SYCP1: variants seen among roughly 807,000 people sequenced by gnomAD.
SYCP1 encodes cancer/testis antigen 8.
Under a neutral mutation model 153.1 loss-of-function variants are expected in SYCP1, and 64 were observed. That is an observed-to-expected ratio of 0.42 (90% confidence interval 0.34 to 0.51). The LOEUF (loss-of-function observed/expected upper bound fraction) is 0.51. SYCP1 is among the 20% of genes least tolerant of loss of function. The probability of loss-of-function intolerance (pLI) is 0.06; values close to 1 mark genes in which losing one functional copy is unlikely to be tolerated. For missense variants in SYCP1, 997 were observed against 1,049.0 expected, an observed-to-expected ratio of 0.95 and a Z score of 0.68; for synonymous variants, 384 against 341.8, an observed-to-expected ratio of 1.12 and a Z score of -1.36.
At chr1:114,875,943 T>C in intron 9 of SYCP1, 126 bp from the exon 10 acceptor site, 1 of 573,826 alleles carries the variant, frequency 1.7e-6, no homozygotes, top group Non-Finnish European at 3.0e-6. Flanking sequence ...TACAGTGTTT[T>C]AGTTATTCCA....
chr1:114,985,340 T>G (rs74113426), intron 30 of SYCP1, among the ~76,000 whole-genome samples: 22 of 152,066 alleles, frequency 1.4e-4, no homozygotes, highest in African/African-American at 5.3e-4. Context: ...TCTAAAGAAG[T>G]TAATGTATTA....
chr1:114,948,492 G>A (rs1335815132), intron 27 of SYCP1, among the ~76,000 whole-genome samples: 1 of 152,174 alleles, frequency 6.6e-6, no homozygotes, highest in Non-Finnish European at 1.5e-5. Flanking sequence ...TCAAGCCTCT[G>A]AGAATTTGTT....
chr1:114,974,999 C>T (rs1672722508), intron 27 of SYCP1, among the ~76,000 whole-genome samples: 1 of 151,734 alleles, frequency 6.6e-6, no homozygotes, highest in South Asian at 2.1e-4. Flanking sequence ...TTTGTTATTT[C>T]CTATTCATTT....
At chr1:114,959,028 G>C (rs570916050) in intron 27 of SYCP1, among the ~76,000 whole-genome samples, 3 of 150,964 alleles carry the variant, frequency 2.0e-5, no homozygotes, top group Admixed American at 2.0e-4. Context: ...TGTTTTTTCA[G>C]TTTCTTGTTG....
intron 8 of SYCP1, among the ~76,000 whole-genome samples, chr1:114,867,722 C>A (rs1318052695): frequency 1.3e-5 from 2 of 151,570 alleles, no homozygotes; most frequent in Non-Finnish European, 2.9e-5. Flanking sequence ...GTTTTTATTT[C>A]TTTTTTCTCA....
At chr1:114,873,158 G>A (rs1557760163) in intron 8 of SYCP1, among the ~76,000 whole-genome samples, 2 of 152,074 alleles carry the variant, frequency 1.3e-5, no homozygotes, top group South Asian at 4.1e-4. Context: ...ATCAGAGTCT[G>A]GTTCTTATGC....
At chr1:114,890,424 A>T (rs1666625771) in intron 15 of SYCP1, among the ~76,000 whole-genome samples, 1 of 151,844 alleles carries the variant, frequency 6.6e-6, no homozygotes, top group African/African-American at 2.4e-5. Flanking sequence ...TGTAAATATA[A>T]ATATGCATTT....
intron 27 of SYCP1, among the ~76,000 whole-genome samples, chr1:114,950,822 CTT>C (rs1240404864): frequency 5.8e-5 from 8 of 138,896 alleles, no homozygotes; most frequent in Admixed American, 1.5e-4. Flanking sequence ...AAATTACACT[CTT>C]TTTTTTTTTT....
chr1:114,987,135 A>C (rs2101970563), intron 30 of SYCP1, among the ~76,000 whole-genome samples: 1 of 151,466 alleles, frequency 6.6e-6, no homozygotes, highest in African/African-American at 2.4e-5. Flanking sequence ...CCAGGCATTT[A>C]AGGATTAGGA....
Position 114,857,433 on chromosome 1 carries a change from T to C in SYCP1, c.238-11T>C, listed in dbSNP as rs1210330527. The stretch of plus-strand genomic sequence containing the variant: ...AGAAGTATTTTCTTATAGAAACATC[T>C]ATCTTTTTAGGTTGGTAATTCTGAC... On this transcript the variant is annotated splice_polypyrimidine_tract_variant and intron_variant, in intron 4 of 31. Coordinates refer to ENST00000369522, the MANE Select transcript of SYCP1 (RefSeq NM_003176.4). 1 of 1,594,614 alleles carries C rather than the reference T, an allele frequency of 6.3e-7. No individual in the cohort carries two copies. The highest frequency in any genetic ancestry group is 1.7e-5 in the Admixed American group (1 of 57,892).
intron 27 of SYCP1, among the ~76,000 whole-genome samples, chr1:114,961,139 T>G (rs1671760073): frequency 3.9e-5 from 6 of 152,180 alleles, no homozygotes; most frequent in Admixed American, 2.6e-4. Context: ...TTTGTGCATG[T>G]TAAGGTGTTC....
intron 12 of SYCP1, among the ~76,000 whole-genome samples, chr1:114,883,082 A>G (rs1666066319): frequency 6.6e-6 from 1 of 152,160 alleles, no homozygotes; most frequent in South Asian, 2.1e-4. Context: ...TTACTTCTAT[A>G]GGTTTCTATT....
chr1:114,959,721 C>A (rs1473511809), intron 27 of SYCP1, among the ~76,000 whole-genome samples: 3 of 151,938 alleles, frequency 2.0e-5, no homozygotes, highest in Non-Finnish European at 4.4e-5. Flanking sequence ...TCCCCACACA[C>A]CCCCTCCCCT....
intron 27 of SYCP1, among the ~76,000 whole-genome samples, chr1:114,960,439 A>G (rs1057444190): frequency 1.3e-5 from 2 of 152,134 alleles, no homozygotes; most frequent in African/African-American, 4.8e-5. Flanking sequence ...AAGTGCTGGG[A>G]TTACGGGCGT....
intron 11 of SYCP1, among the ~76,000 whole-genome samples, chr1:114,877,422 T>C (rs1372343449): frequency 6.6e-6 from 1 of 152,194 alleles, no homozygotes; most frequent in Non-Finnish European, 1.5e-5. Flanking sequence ...AGAATCCTCT[T>C]CTATTTCTCA....
At chr1:114,944,668 A>G (rs1235913122) in intron 24 of SYCP1, among the ~76,000 whole-genome samples, 1 of 151,850 alleles carries the variant, frequency 6.6e-6, no homozygotes, top group Non-Finnish European at 1.5e-5. Flanking sequence ...TTTTGAAAGG[A>G]TTAAATGATT....
intron 12 of SYCP1, 135 bp downstream of exon 12, chr1:114,878,337 G>A: frequency 1.7e-6 from 1 of 591,328 alleles, no homozygotes; most frequent in Non-Finnish European, 3.0e-6. Flanking sequence ...TTCGGTTGGA[G>A]GAGGGCATAA....
In SYCP1 at chr1:114,855,429, C is replaced by T; in HGVS notation, c.-24-12C>T. 7 of 1,562,076 alleles carry T rather than the reference C, an allele frequency of 4.5e-6. No individual in the cohort carries two copies. Among genetic ancestry groups the T allele is most frequent in the Non-Finnish European group, 6.1e-6 (7 of 1,140,704 alleles). ...AAACTTTCCTTCCCCTCCCGCCCCC[C>T]CGGGGCAGTAGATATTTACAACCGT... On this transcript the variant is annotated splice_polypyrimidine_tract_variant and intron_variant, in intron 1 of 31. Coordinates refer to ENST00000369522, the MANE Select transcript of SYCP1 (RefSeq NM_003176.4).
chr1:114,857,218 C>CTTT lies in SYCP1; in HGVS notation c.194-12_194-10dup, dbSNP rs1291918771. 6.6e-7 allele frequency: 1 copy of CTTT among 1,509,582 alleles called. No homozygotes were observed. The highest frequency in any genetic ancestry group is 8.9e-7 in the Non-Finnish European group (1 of 1,118,530). The allele number at this position is 1,509,582 out of a possible 1,614,324, so 93.5% of individuals were successfully genotyped here. A position where few individuals can be genotyped will look rare whatever the true frequency, so the allele number is the denominator to read the frequency against. On this transcript the variant is annotated splice_polypyrimidine_tract_variant and intron_variant, in intron 3 of 31. Transcript: ENST00000369522. ...TGTTGGCGTATTTAATACCTGTTGT[C>CTTT]TTTTATCTTGCAGATCCTGCTTTAC... is the stretch of plus-strand genomic sequence containing the variant.
Sources: allele counts gnomAD v4.1 joint callset (sites outside exome capture counted in the v4.1 genomes callset), GRCh38; gene constraint gnomAD v4.1.1; transcripts MANE v1.5; gene names NCBI Gene and HGNC (gene_info 2026-07-23, HGNC 2026-07-21).